The following PHLDB1 variants were observed in gnomAD, a reference collection of about 807,000 sequenced individuals.
The protein encoded by PHLDB1 is pleckstrin homology-like domain family B member 1.
Under a neutral mutation model 139.3 loss-of-function variants are expected in PHLDB1, and 65 were observed. The observed-to-expected ratio is 0.47, with a 90% confidence interval of 0.38 to 0.57. The LOEUF is 0.57. PHLDB1 is among the 20% of genes least tolerant of loss of function. The pLI is 0.00. For synonymous variants in PHLDB1, 679 were observed against 734.5 expected (o/e 0.92, Z 1.22); for missense variants, 1,624 against 1,839.7 (o/e 0.88, Z 2.14).
At chr11:118,641,549 C>A in intron 12 of PHLDB1, 2 of 997,522 alleles carry the variant, frequency 2.0e-6, no homozygotes, top group Non-Finnish European at 2.6e-6. Context: ...GTGGGTAGGG[C>A]CATCTCATGT....
rs184989025 is a variant in PHLDB1, at chr11:118,642,495, G to A, written c.2877+101G>A. 1,634 of 1,366,834 alleles carry A rather than the reference G, an allele frequency of 1.2e-3. 12 individuals are homozygous for A. The African/African-American group carries it at 0.017, about 14-fold the overall frequency. The allele number at this position is 1,366,834 out of a possible 1,614,324, so 84.7% of individuals were successfully genotyped here. The stretch of plus-strand genomic sequence containing the variant: ...CCACACAGTACCACCTTGAGTGGAG[G>A]CGTCAGCCCAGTCAGGGCAATGAGG... On this transcript the variant is annotated intron_variant, in intron 13 of 22. Coordinates refer to ENST00000600882, the MANE Select transcript of PHLDB1 (RefSeq NM_001144758.3).
intron 1 of PHLDB1, chr11:118,613,130 T>C (rs1257285673): frequency 6.0e-6 from 1 of 168,018 alleles, no homozygotes; most frequent in Non-Finnish European, 1.2e-5. Context: ...AGCCCAATAT[T>C]CCCAGTATTA....
At chr11:118,607,061 G>A (rs1260071420), upstream of PHLDB1, among the ~76,000 whole-genome samples, 2 of 152,056 alleles carry the variant, frequency 1.3e-5, no homozygotes, top group Admixed American at 1.3e-4. Context: ...GCTTGGAATA[G>A]GGCGAGGGGA....
At position 118,627,434 on chromosome 11, in the gene PHLDB1, T is replaced by C. The variant is rs141969956; in HGVS notation, c.611T>C (p.Leu204Pro). ...EKDLQEIMDS[L>P]VLEEPGAAGK... ...GACCTGCAAGAGATCATGGACTCAC[T>C]GGTGCTAGAGGAGCCTGGAGCTGCT... The change falls in exon 6 of 23, where the codon CTG (leucine) becomes CCG (proline). Residue 204 changes from leucine to proline, a missense_variant. Coordinates refer to ENST00000600882, the MANE Select transcript of PHLDB1 (RefSeq NM_001144758.3). The C allele has an allele frequency of 1.9e-6, 3 of 1,614,066 alleles. No homozygotes were observed. Among genetic ancestry groups the C allele is most frequent in the African/African-American group, 2.7e-5 (2 of 74,942 alleles).
Position 118,628,391 on chromosome 11 carries a change from T to C in PHLDB1, c.1568T>C (p.Leu523Pro). The C allele has an allele frequency of 6.2e-7, 1 of 1,610,884 alleles. No homozygotes were observed. Among genetic ancestry groups the C allele is most frequent in the Non-Finnish European group, 8.5e-7 (1 of 1,178,796 alleles). The change falls in exon 6 of 23, where the codon CTG becomes CCG. Residue 523 changes from leucine to proline, a missense_variant. By Grantham distance (98) the Leu-to-Pro change is moderately conservative (BLOSUM62 -3). Transcript: ENST00000600882. The stretch of plus-strand genomic sequence containing the variant: ...AGGACACGGAGCCCCTCACCCACAC[T>C]GGGTGAGTCTCTGGCACCCCACAAG... ...GRRTRSPSPTLGESLAPHKGS... is the reference protein window; with the variant it reads ...GRRTRSPSPTPGESLAPHKGS...
rs782317034 is a variant in PHLDB1, at chr11:118,627,530, C to G, written c.707C>G (p.Pro236Arg). The G allele has an allele frequency of 1.9e-6, 3 of 1,614,230 alleles. No individual in the cohort carries two copies. The South Asian group carries it at 3.3e-5, about 18-fold the overall frequency. Residue 236 changes from proline (P) to arginine (R), a missense_variant, in exon 6 of 23, where the codon CCA (proline) becomes CGA (arginine). Physicochemically the swap from Pro to Arg is moderately radical, Grantham distance 103. Coordinates refer to ENST00000600882, the MANE Select transcript of PHLDB1 (RefSeq NM_001144758.3). ...ANGGRYLLSP[P>R]TSPGAMSVGS... ...GGTGGGCGCTACCTGCTGTCTCCCC[C>G]AACCAGCCCCGGCGCCATGTCTGTG...
intron 12 of PHLDB1, chr11:118,640,380 T>G (rs1555119238): frequency 6.6e-6 from 1 of 152,224 alleles, no homozygotes; most frequent in Non-Finnish European, 1.5e-5. Flanking sequence ...TGATTCAGCA[T>G]GCATTGTGGA....
intron 3 of PHLDB1, chr11:118,615,300 A>G (rs1298727233): frequency 6.6e-6 from 1 of 152,360 alleles, no homozygotes; most frequent in African/African-American, 2.4e-5. Context: ...GGCCAAGAAG[A>G]AAAAGGGCCC....
At chr11:118,630,123 C>T in intron 6 of PHLDB1, 1 of 1,210,760 alleles carries the variant, frequency 8.3e-7, no homozygotes, top group South Asian at 1.3e-5. Context: ...CTCTCCACTT[C>T]CTGCGGTTTG....
In PHLDB1 at chr11:118,655,907, T is replaced by G. The variant is rs1555141530; in HGVS notation, c.3993+15T>G. 1 of 1,602,792 alleles carries G rather than the reference T, an allele frequency of 6.2e-7. No individual in the cohort carries two copies. Among genetic ancestry groups the G allele is most frequent in the Non-Finnish European group, 8.5e-7 (1 of 1,169,746 alleles). ...TGGTGACTGAGGTACCCCTCCCCAC[T>G]TAGCTGTAACCAGCACATTAACACC... On this transcript the variant is annotated intron_variant, in intron 22 of 22. Transcript: ENST00000600882.
rs1591417424 is a variant in PHLDB1, at chr11:118,610,345, T to C, written c.-22+2646T>C. On this transcript the variant is annotated intron_variant, in intron 1 of 22. Transcript: ENST00000600882. The surrounding 1 kb of genome is among the most constrained non-coding windows in gnomAD (Gnocchi z 8.7). ...CCCACTCGGGCGTCCCCCGCTGGGC[T>C]CCCCGCCTCAGTTTCCTTCCCTTCC... 1 of 575,562 alleles carries C rather than the reference T, an allele frequency of 1.7e-6. No individual in the cohort carries two copies. Among genetic ancestry groups the C allele is most frequent in the Non-Finnish European group, 2.2e-6 (1 of 455,094 alleles). 35.7% of individuals were successfully genotyped at this position (575,562 alleles called of 1,614,324 possible). A position where few individuals can be genotyped will look rare whatever the true frequency, so the allele number is the denominator to read the frequency against.
chr11:118,652,079 AG>A, intron 20 of PHLDB1: 2 of 152,424 alleles, frequency 1.3e-5, no homozygotes, highest in Middle Eastern at 6.8e-3. Context: ...CTAGCCACAC[AG>A]CTGGGAAGAG....
At chr11:118,644,833 C>G (rs1555125548) in intron 15 of PHLDB1, 6 of 353,116 alleles carry the variant, frequency 1.7e-5, no homozygotes, top group South Asian at 1.4e-4. Context: ...TGGCCTCACC[C>G]CTCCAGCTGG....
intron 4 of PHLDB1, among the ~76,000 whole-genome samples, chr11:118,618,593 G>T (rs72999458): frequency 4.6e-5 from 7 of 152,138 alleles, no homozygotes; most frequent in Non-Finnish European, 7.4e-5. Context: ...GGCGGCAGGG[G>T]TGAACTCAGG....
chr11:118,622,429 G>T (rs782388010), intron 4 of PHLDB1, among the ~76,000 whole-genome samples: 2 of 152,210 alleles, frequency 1.3e-5, no homozygotes, highest in Non-Finnish European at 2.9e-5. Context: ...CTATTAATAC[G>T]GATCCAGCTC....
intron 20 of PHLDB1, chr11:118,651,796 A>C (rs1224901913): frequency 1.3e-5 from 2 of 152,210 alleles, no homozygotes; most frequent in Admixed American, 1.3e-4. Context: ...AAAAAAAAAA[A>C]AAAAAGGAAA....
intron 17 of PHLDB1, chr11:118,647,483 G>GTA: frequency 6.5e-6 from 1 of 154,542 alleles, no homozygotes; most frequent in Non-Finnish European, 1.4e-5. Flanking sequence ...GGAGGCCGAG[G>GTA]CAGGCGGATC....
At chr11:118,613,360 G>A in intron 1 of PHLDB1, 2 of 987,302 alleles carry the variant, frequency 2.0e-6, no homozygotes, top group East Asian at 1.1e-4. Flanking sequence ...GGTTGCAGGA[G>A]GGAGCTCCTG....
intron 17 of PHLDB1, 71 bp from the exon 18 acceptor site, chr11:118,647,859 C>A: frequency 6.7e-7 from 1 of 1,494,782 alleles, no homozygotes; most frequent in Non-Finnish European, 9.0e-7. Context: ...TGCAGCCCTG[C>A]CCAGGTGTGA....
Sources: gnomAD v4.1 joint callset for allele counts (sites outside exome capture counted in the v4.1 genomes callset) on GRCh38, gnomAD v4.1.1 for gene constraint, Gnocchi (gnomAD v3.1) non-coding constraint, MANE v1.5 for transcripts, NCBI Gene and HGNC (gene_info 2026-07-23, HGNC 2026-07-21) for gene names.